Variants in SLC25A21 observed in about 807,000 individuals in gnomAD.
SLC25A21 encodes solute carrier family 25 member 21, also known as mitochondrial 2-oxodicarboxylate carrier.
In SLC25A21, 47 loss-of-function variants were observed where a neutral mutation model predicts 43.8. The ratio of observed to expected loss-of-function variants is 1.07; its 90% confidence interval spans 0.85 to 1.37. SLC25A21 has a LOEUF of 1.37. Ranked by LOEUF, SLC25A21 falls within the 40% of genes most tolerant of loss-of-function variation. The pLI is 0.00. For synonymous variants in SLC25A21, 131 were observed against 121.3 expected, an observed-to-expected ratio of 1.08 and a Z score of -0.52; for missense variants, 352 against 350.2, an observed-to-expected ratio of 1.00 and a Z score of -0.04.
At chr14:36,867,745 G>C (rs1890252275) in intron 2 of SLC25A21, among the ~76,000 whole-genome samples, 1 of 151,706 alleles carries the variant, frequency 6.6e-6, no homozygotes. Context: ...ATTTGTCTTT[G>C]TATTCCCCCC....
chr14:36,952,306 T>C (rs1594715309), intron 1 of SLC25A21: 1 of 154,070 alleles, frequency 6.5e-6, no homozygotes, highest in East Asian at 1.9e-4. Context: ...CCTTTGGTTT[T>C]TGGCAATGTA....
At chr14:36,784,220 A>G (rs903064228) in intron 3 of SLC25A21, among the ~76,000 whole-genome samples, 1 of 152,186 alleles carries the variant, frequency 6.6e-6, no homozygotes, top group African/African-American at 2.4e-5. Flanking sequence ...ACATAATTCA[A>G]TTGACACATT....
At chr14:37,035,819 A>G (rs1433573839) in intron 1 of SLC25A21, among the ~76,000 whole-genome samples, 1 of 152,212 alleles carries the variant, frequency 6.6e-6, no homozygotes, top group Non-Finnish European at 1.5e-5. Context: ...AGAATTACCC[A>G]TGTTATTTTA....
At chr14:36,908,280 T>C (rs1249645188) in intron 1 of SLC25A21, among the ~76,000 whole-genome samples, 1 of 152,172 alleles carries the variant, frequency 6.6e-6, no homozygotes, top group Non-Finnish European at 1.5e-5. Context: ...TACTCCGGTA[T>C]GGAATATTGA....
At chr14:36,684,963 C>A (rs766184073) in intron 7 of SLC25A21, 38 bp from the exon 8 acceptor site, 2 of 1,552,328 alleles carry the variant, frequency 1.3e-6, no homozygotes, top group Non-Finnish European at 1.8e-6. Flanking sequence ...GAAAGGGGAG[C>A]GGAAGCCCCT....
At chr14:37,104,637 A>G (rs1441063122) in intron 1 of SLC25A21, among the ~76,000 whole-genome samples, 2 of 152,200 alleles carry the variant, frequency 1.3e-5, no homozygotes, top group African/African-American at 4.8e-5. Context: ...TTTACATGCA[A>G]TATATCATTG....
At chr14:36,893,280 T>A (rs1891134202) in intron 1 of SLC25A21, among the ~76,000 whole-genome samples, 1 of 152,236 alleles carries the variant, frequency 6.6e-6, no homozygotes, top group South Asian at 2.1e-4. Context: ...GGTTTTGATT[T>A]GTATTTCTCT....
rs767055586 is a variant in SLC25A21 at position 37,172,418 on chromosome 14, A to G, written c.-68T>C. On this transcript the variant is annotated 5_prime_UTR_variant, in exon 1 of 10. Transcript: ENST00000331299. ...AACGAGCTCGCAGCCTGCACAGCCT[A>G]CTGATCCAGAGAGCCCCGGCTGGGC... is the stretch of plus-strand genomic sequence containing the variant. 50 of 1,491,036 alleles carry G rather than the reference A, an allele frequency of 3.4e-5. No individual in the cohort carries two copies. The East Asian group carries it at 7.6e-4, about 23-fold the overall frequency. The allele number at this position is 1,491,036 out of a possible 1,614,324, so 92.4% of individuals were successfully genotyped here. A position where few individuals can be genotyped will look rare whatever the true frequency, so the allele number is the denominator to read the frequency against.
At chr14:36,864,289 A>G (rs763271056) in intron 2 of SLC25A21, among the ~76,000 whole-genome samples, 28 of 152,200 alleles carry the variant, frequency 1.8e-4, no homozygotes, top group Non-Finnish European at 3.7e-4. Flanking sequence ...TAAAGCACAT[A>G]TTAATTCATT....
chr14:37,046,465 T>C (rs1397719691), intron 1 of SLC25A21, among the ~76,000 whole-genome samples: 2 of 152,210 alleles, frequency 1.3e-5, no homozygotes, highest in East Asian at 1.9e-4. Context: ...TTTAACTGAA[T>C]TGGCCTATCT....
chr14:37,044,578 C>T (rs1485791686), intron 1 of SLC25A21, among the ~76,000 whole-genome samples: 1 of 152,116 alleles, frequency 6.6e-6, no homozygotes, highest in African/African-American at 2.4e-5. Flanking sequence ...TCTGCCCCTC[C>T]TATAGGAACA....
chr14:37,107,160 C>T (rs1962930229), intron 1 of SLC25A21, among the ~76,000 whole-genome samples: 1 of 151,754 alleles, frequency 6.6e-6, no homozygotes, highest in African/African-American at 2.4e-5. Context: ...TAGGCAGGAT[C>T]TTTATCTGTG....
At chr14:36,875,717 A>T (rs569092601) in intron 1 of SLC25A21, among the ~76,000 whole-genome samples, 13 of 152,296 alleles carry the variant, frequency 8.5e-5, no homozygotes, top group Admixed American at 8.5e-4. Flanking sequence ...AGTAGTTTTA[A>T]TTCCCATAAA....
At chr14:36,971,803 T>A (rs1219063790) in intron 1 of SLC25A21, among the ~76,000 whole-genome samples, 1 of 152,162 alleles carries the variant, frequency 6.6e-6, no homozygotes, top group Non-Finnish European at 1.5e-5. Context: ...GAAGTGGTAA[T>A]AGGCTTCTGA....
rs994137611 is a variant in SLC25A21, at chr14:36,993,893, GCAA to G, written c.71-118892_71-118890del. On this transcript the variant is annotated intron_variant, in intron 1 of 9. Transcript: ENST00000331299. Reference sequence around the variant, plus strand: ...AAAATGACTACATTCGATGAGAATTGCAACAACAACAACAAAATAAGTCTAAAA... The same window carrying G: ...AAAATGACTACATTCGATGAGAATTGCAACAACAACAAAATAAGTCTAAAA... 3.7e-4 allele frequency among the ~76,000 whole-genome samples: 56 copies of G among 152,204 alleles called. 1 individual carries two copies. Among genetic ancestry groups the G allele is most frequent in the African/African-American group, 1.2e-3 (51 of 41,540 alleles).
intron 3 of SLC25A21, among the ~76,000 whole-genome samples, chr14:36,735,686 C>T (rs1270615213): frequency 1.3e-5 from 2 of 152,098 alleles, no homozygotes; most frequent in Non-Finnish European, 2.9e-5. Context: ...TTACACAGTA[C>T]CTTTTGGTGA....
At chr14:36,896,944 C>T (rs540224823) in intron 1 of SLC25A21, among the ~76,000 whole-genome samples, 36 of 152,244 alleles carry the variant, frequency 2.4e-4, no homozygotes, top group African/African-American at 7.9e-4. Flanking sequence ...GTGGGTAACC[C>T]GACCTTTCTC....
intron 1 of SLC25A21, among the ~76,000 whole-genome samples, chr14:37,057,230 AGCTC>A (rs1961849724): frequency 1.3e-5 from 2 of 152,130 alleles, no homozygotes; most frequent in African/African-American, 2.4e-5. Context: ...TTCCTCACCC[AGCTC>A]ATTTTTTGAA....
chr14:37,066,512 GT>G (rs1044260424), intron 1 of SLC25A21, among the ~76,000 whole-genome samples: 17 of 151,988 alleles, frequency 1.1e-4, no homozygotes, highest in African/African-American at 3.9e-4. Flanking sequence ...TTTTTAAGTG[GT>G]AAATTAAAAT....
Sources: allele counts gnomAD v4.1 joint callset (sites outside exome capture counted in the v4.1 genomes callset), GRCh38; gene constraint gnomAD v4.1.1; transcripts MANE v1.5; gene names NCBI Gene and HGNC (gene_info 2026-07-23, HGNC 2026-07-21).